CSGALNACT1: variants seen among roughly 807,000 people sequenced by gnomAD.
The protein encoded by CSGALNACT1 is chondroitin sulfate N-acetylgalactosaminyltransferase 1.
Under a neutral mutation model 51.0 loss-of-function variants are expected in CSGALNACT1, and 52 were observed. The ratio of observed to expected loss-of-function variants is 1.02; its 90% CI spans 0.82 to 1.29. The LOEUF is 1.29. Ranked by LOEUF, CSGALNACT1 falls within the 50% of genes most tolerant of loss-of-function variation. The probability of loss-of-function intolerance (pLI) is 0.00; values close to 1 mark genes in which losing one functional copy is unlikely to be tolerated. For missense variants in CSGALNACT1, 935 were observed against 679.2 expected (o/e 1.38, Z -4.19); for synonymous variants, 341 against 254.4 (o/e 1.34, Z -3.24).
At chr8:19,638,264 G>A (rs2056341990) in intron 1 of CSGALNACT1, among the ~76,000 whole-genome samples, 1 of 151,558 alleles carries the variant, frequency 6.6e-6, no homozygotes, top group South Asian at 2.1e-4. Context: ...TTGAGAGGCT[G>A]CCCTCCCTGC....
chr8:19,497,171 A>T (rs1025448926), intron 4 of CSGALNACT1, among the ~76,000 whole-genome samples: 2 of 152,214 alleles, frequency 1.3e-5, no homozygotes, highest in African/African-American at 4.8e-5. Context: ...AATCAGAGAC[A>T]ACCCCACTTC....
chr8:19,406,199 G>C, intron 9 of CSGALNACT1, 130 bp from the exon 9 acceptor site: 1 of 1,070,526 alleles, frequency 9.3e-7, no homozygotes, highest in South Asian at 1.3e-5. Context: ...ACCCCTCCAA[G>C]GTACGAGAGT....
upstream of CSGALNACT1, among the ~76,000 whole-genome samples, chr8:19,604,840 G>T (rs1038651935): frequency 6.0e-5 from 9 of 150,892 alleles, no homozygotes; most frequent in East Asian, 1.4e-3. Flanking sequence ...GCATGAACCC[G>T]GGAGGCGGAG....
chr8:19,619,358 G>A (rs1045603172), intron 1 of CSGALNACT1, among the ~76,000 whole-genome samples: 16 of 152,210 alleles, frequency 1.1e-4, no homozygotes, highest in African/African-American at 3.6e-4. Flanking sequence ...CAGGAGTGTG[G>A]AAGGGAGCGA....
At chr8:19,673,679 C>A (rs1205475286) in intron 1 of CSGALNACT1, among the ~76,000 whole-genome samples, 2 of 152,198 alleles carry the variant, frequency 1.3e-5, no homozygotes, top group South Asian at 4.1e-4. Flanking sequence ...CTACCACGTG[C>A]TAATGTTCCA....
rs533957834 is a variant in CSGALNACT1, at chr8:19,518,461, A to T, written c.-296-12331T>A. Reference sequence around the variant, plus strand: ...TAATAATATTAGGGTGGGGTGACCAACCTTCCCCACACACTATGTAAACAT... The same window carrying T: ...TAATAATATTAGGGTGGGGTGACCATCCTTCCCCACACACTATGTAAACAT... On this transcript the variant is annotated intron_variant, in intron 3 of 9. Coordinates refer to ENST00000454498, the Ensembl canonical transcript of CSGALNACT1. Among the ~76,000 whole-genome samples, 5 of 152,258 alleles carry T rather than the reference A, an allele frequency of 3.3e-5. 1 individual carries two copies. The highest frequency in any genetic ancestry group is 1.2e-4 in the African/African-American group (5 of 41,550).
At chr8:19,594,767 G>T (rs955307916) in intron 2 of CSGALNACT1, among the ~76,000 whole-genome samples, 1 of 151,674 alleles carries the variant, frequency 6.6e-6, no homozygotes, top group Non-Finnish European at 1.5e-5. Flanking sequence ...AGCCAGGCTG[G>T]TCTCGAACTC....
chr8:19,688,714 C>T (rs1438541945), intron 1 of CSGALNACT1: 3 of 152,218 alleles, frequency 2.0e-5, no homozygotes, highest in African/African-American at 7.2e-5. Flanking sequence ...CTCCCTCTTT[C>T]CTGTCTCAGC....
At chr8:19,511,317 T>A (rs961056840) in intron 3 of CSGALNACT1, among the ~76,000 whole-genome samples, 1 of 152,232 alleles carries the variant, frequency 6.6e-6, no homozygotes, top group South Asian at 2.1e-4. Context: ...AAAGCCCTAA[T>A]GCCGCAGTGC....
chr8:19,561,363 G>C (rs1473030581), intron 3 of CSGALNACT1, among the ~76,000 whole-genome samples: 4 of 152,128 alleles, frequency 2.6e-5, no homozygotes. Flanking sequence ...AGCTTGATTT[G>C]GACATAGGTT....
chr8:19,456,229 C>T (rs757690534), intron 5 of CSGALNACT1, among the ~76,000 whole-genome samples: 9 of 152,126 alleles, frequency 5.9e-5, no homozygotes, highest in Admixed American at 1.3e-4. Flanking sequence ...CATATATACC[C>T]AAGAGAATCC....
intron 1 of CSGALNACT1, among the ~76,000 whole-genome samples, chr8:19,629,925 C>T (rs184410562): frequency 8.1e-4 from 124 of 152,222 alleles, no homozygotes; most frequent in Admixed American, 1.2e-3. Context: ...AATTCTGAGA[C>T]GCCCAGTAGG....
At chr8:19,405,610 T>A (rs944475895) in exon 10 of CSGALNACT1, 1 of 913,146 alleles carries the variant, frequency 1.1e-6, no homozygotes, top group Non-Finnish European at 1.7e-6. Context: ...GCGGAGATTT[T>A]GATTTCTGTT....
At chr8:19,542,507 C>T (rs4921659) in intron 3 of CSGALNACT1, among the ~76,000 whole-genome samples, 25,525 of 152,106 alleles carry the variant, frequency 0.17, 2,260 homozygotes, top group African/African-American at 0.2. Flanking sequence ...GCACAAGCGC[C>T]TGCTGCCCCG....
intron 1 of CSGALNACT1, among the ~76,000 whole-genome samples, chr8:19,637,197 A>G (rs1232434753): frequency 6.6e-6 from 1 of 152,170 alleles, no homozygotes; most frequent in Non-Finnish European, 1.5e-5. Flanking sequence ...TAGAGACTCC[A>G]TCTCAAAATA....
chr8:19,502,410 G>A (rs747725107), intron 4 of CSGALNACT1, among the ~76,000 whole-genome samples: 8 of 152,198 alleles, frequency 5.3e-5, no homozygotes, highest in Non-Finnish European at 8.8e-5. Flanking sequence ...TCAAGCTTGC[G>A]TGATCATGCC....
chr8:19,746,431 C>T (rs2064669416), intron 1 of CSGALNACT1, among the ~76,000 whole-genome samples: 1 of 152,164 alleles, frequency 6.6e-6, no homozygotes, highest in African/African-American at 2.4e-5. Flanking sequence ...CCATCACGTG[C>T]AGATTGATGA....
At chr8:19,705,992 T>C (rs2062140446) in intron 1 of CSGALNACT1, among the ~76,000 whole-genome samples, 1 of 151,998 alleles carries the variant, frequency 6.6e-6, no homozygotes, top group Admixed American at 6.6e-5. Flanking sequence ...CCCTCCAACA[T>C]GAAGACAAAG....
At chr8:19,406,109 A>T (rs754165841) in intron 9 of CSGALNACT1, 40 bp from the exon 9 acceptor site, 1 of 1,612,542 alleles carries the variant, frequency 6.2e-7, no homozygotes, top group Non-Finnish European at 8.5e-7. Context: ...CACTGCACTG[A>T]TCTGTTTTGC....
Sources: gnomAD v4.1 joint callset for allele counts (sites outside exome capture counted in the v4.1 genomes callset) on GRCh38, gnomAD v4.1.1 for gene constraint, MANE v1.5 for transcripts, NCBI Gene and HGNC (gene_info 2026-07-23, HGNC 2026-07-21) for gene names.